BACH1: variants seen among roughly 807,000 people sequenced by gnomAD.
BACH1 encodes transcription regulator protein BACH1.
Under a neutral mutation model 52.9 loss-of-function variants are expected in BACH1, and 35 were observed. The ratio of observed to expected loss-of-function variants is 0.66; its 90% CI spans 0.51 to 0.88. The LOEUF (loss-of-function observed/expected upper bound fraction) is 0.88. BACH1 is among the 40% of genes least tolerant of loss of function. The pLI is 0.00. For missense variants in BACH1, 808 were observed against 872.6 expected (o/e 0.93, Z 0.93); for synonymous variants, 321 against 319.6 (o/e 1.00, Z -0.05).
intron 2 of BACH1, among the ~76,000 whole-genome samples, chr21:29,358,172 C>G (rs1423577984): frequency 1.3e-5 from 2 of 152,208 alleles, no homozygotes; most frequent in South Asian, 4.1e-4. Context: ...TTGATGTTAG[C>G]AATTCAGCGT....
At chr21:29,320,223 G>T (rs773997824) in intron 1 of BACH1, among the ~76,000 whole-genome samples, 3 of 152,174 alleles carry the variant, frequency 2.0e-5, no homozygotes, top group Non-Finnish European at 4.4e-5. Flanking sequence ...GGATGATACC[G>T]TGAGGCATCA....
chr21:29,308,065 C>G (rs1312816046), intron 1 of BACH1, among the ~76,000 whole-genome samples: 1 of 152,102 alleles, frequency 6.6e-6, no homozygotes, highest in East Asian at 1.9e-4. Context: ...ATAGTATTTC[C>G]CTACTCAGTA....
chr21:29,324,068 A>G (rs1418237242), intron 2 of BACH1, among the ~76,000 whole-genome samples: 3 of 152,038 alleles, frequency 2.0e-5, no homozygotes, highest in African/African-American at 4.8e-5. Context: ...CCTGGCCAAC[A>G]TGGTGAAACC....
chr21:29,320,331 G>T (rs2088833597), intron 1 of BACH1, among the ~76,000 whole-genome samples: 1 of 152,058 alleles, frequency 6.6e-6, no homozygotes, highest in South Asian at 2.1e-4. Context: ...CTGTTACTTT[G>T]AACTTCTGTG....
chr21:29,324,153 G>A (rs1395169945), intron 2 of BACH1, among the ~76,000 whole-genome samples: 2 of 150,664 alleles, frequency 1.3e-5, no homozygotes, highest in Non-Finnish European at 2.9e-5. Context: ...TCGGGAGACT[G>A]AGGCAGGAGA....
At position 29,342,521 on chromosome 21, in the gene BACH1, A is replaced by C. The variant is rs780839012; in HGVS notation, c.1899A>C (p.Glu633Asp). 6.2e-7 allele frequency: 1 copy of C among 1,614,258 alleles called. No homozygotes were observed. The highest frequency in any genetic ancestry group is 1.3e-5 in the African/African-American group (1 of 75,064). Residue 633 changes from glutamate to aspartate, a missense_variant, in exon 5 of 5, where the codon GAA (glutamate) becomes GAC (aspartate). Physicochemically the swap from Glu to Asp is conservative, Grantham distance 45. Coordinates refer to ENST00000286800, the MANE Select transcript of BACH1 (RefSeq NM_001186.4). ...GTAAAGAAGCAGCTCTGAGTCAAGA[A>C]CAAATACAGATACTCGCCAAGTACT... The part of the protein sequence containing the change: ...KVCKEAALSQ[E>D]QIQILAKYSA...
chr21:29,353,226 G>C (rs1021744715), intron 2 of BACH1, among the ~76,000 whole-genome samples: 59 of 152,298 alleles, frequency 3.9e-4, no homozygotes, highest in African/African-American at 1.3e-3. Flanking sequence ...GTGAGTTTTA[G>C]TGGTTACACA....
At chr21:29,319,788 A>C (rs1170111773) in intron 1 of BACH1, among the ~76,000 whole-genome samples, 13 of 150,082 alleles carry the variant, frequency 8.7e-5, no homozygotes. Context: ...TTGGGAGGGC[A>C]GTGTGCTCTG....
At chr21:29,338,149 T>C (rs977055524) in intron 4 of BACH1, among the ~76,000 whole-genome samples, 1 of 152,210 alleles carries the variant, frequency 6.6e-6, no homozygotes, top group East Asian at 1.9e-4. Context: ...TAAAGTCAGT[T>C]TCCAAAAACC....
intron 2 of BACH1, among the ~76,000 whole-genome samples, chr21:29,357,659 C>T (rs1000330956): frequency 2.0e-5 from 3 of 152,174 alleles, no homozygotes; most frequent in East Asian, 1.9e-4. Context: ...GCCAGCCTTT[C>T]GCTACTACAT....
chr21:29,320,280 C>T (rs571801637), intron 1 of BACH1, among the ~76,000 whole-genome samples: 2 of 152,100 alleles, frequency 1.3e-5, no homozygotes, highest in South Asian at 2.1e-4. Flanking sequence ...CCTTTCCGGC[C>T]GTAGGGTGCT....
At position 29,313,255 on chromosome 21, in the gene BACH1, C is replaced by T. The variant is rs114025534; in HGVS notation, c.-60-7966C>T. On this transcript the variant is annotated intron_variant, in intron 1 of 4. Transcript: ENST00000286800. ...ATCTGCCACCGCCGATGAAACAAAA[C>T]AGTCCTCACGTTCAAAGGGATGGAC... Among the ~76,000 whole-genome samples, 776 of 152,170 alleles carry T rather than the reference C, an allele frequency of 5.1e-3. 3 individuals carry two copies. The highest frequency in any genetic ancestry group is 0.018 in the African/African-American group (738 of 41,522).
intron 2 of BACH1, chr21:29,351,776 C>T (rs1263561504): frequency 1.9e-6 from 1 of 534,256 alleles, no homozygotes; most frequent in Non-Finnish European, 3.8e-6. Flanking sequence ...AAGTTTAACA[C>T]AGGAATGAGA....
In BACH1 at chr21:29,327,132, G is replaced by A. The variant is rs200791937; in HGVS notation, c.1308G>A (p.Pro436=). 11 of 1,614,114 alleles carry A rather than the reference G, an allele frequency of 6.8e-6. No homozygotes were observed. Among genetic ancestry groups the A allele is most frequent in the East Asian group, 2.2e-5 (1 of 44,894 alleles). Residue 436 remains proline, a synonymous_variant, in exon 3 of 5, where the codon CCG becomes CCA. Coordinates refer to ENST00000286800, the MANE Select transcript of BACH1 (RefSeq NM_001186.4). ...TCTCACAGAAACGGTCTGAGTGTCC[G>A]TGGTTAGGTATCAGGATTAGTGAGA... ...EQISQKRSEC[P]WLGIRISESP... is the part of the protein sequence containing the mutation.
At chr21:29,315,807 C>CT (rs2088779813) in intron 1 of BACH1, among the ~76,000 whole-genome samples, 1 of 152,012 alleles carries the variant, frequency 6.6e-6, no homozygotes, top group East Asian at 1.9e-4. Flanking sequence ...TCATTATTAT[C>CT]TTTTTTACTT....
chr21:29,341,014 AT>A (rs1256388909), intron 4 of BACH1, among the ~76,000 whole-genome samples: 1 of 151,760 alleles, frequency 6.6e-6, no homozygotes, highest in Non-Finnish European at 1.5e-5. Context: ...ATCTGAACAG[AT>A]TGGAGAATAC....
At position 29,321,442 on chromosome 21, in the gene BACH1, A is replaced by G. The variant is rs2088846872; in HGVS notation, c.162A>G (p.Ala54=). 7.4e-6 allele frequency: 12 copies of G among 1,614,228 alleles called. No individual in the cohort carries two copies. The highest frequency in any genetic ancestry group is 1.0e-5 in the Non-Finnish European group (12 of 1,180,054). The change falls in exon 2 of 5, where the codon GCA becomes GCG. Residue 54 remains alanine (A), a synonymous_variant. Transcript: ENST00000286800. ...RFRAHRSVLA[A]CSSYFHSRIV... ...GCGCTCACCGGTCCGTGCTGGCGGC[A>G]TGCAGCAGTTACTTCCACTCAAGAA...
chr21:29,320,561 G>A (rs2088836147), intron 1 of BACH1, among the ~76,000 whole-genome samples: 2 of 152,080 alleles, frequency 1.3e-5, no homozygotes, highest in African/African-American at 4.8e-5. Context: ...TAATGAGGTA[G>A]TTTTACTTGC....
rs536608084 is a variant in BACH1 at position 29,334,288 on chromosome 21, C to T, written c.1776+4595C>T. On this transcript the variant is annotated intron_variant, in intron 4 of 4. Coordinates refer to ENST00000286800, the MANE Select transcript of BACH1 (RefSeq NM_001186.4). Reference sequence around the variant, plus strand: ...AATTTTTTTATATTTTTAGTAGAGACGGGGTTTCACTGTGTTAGCCAGGAT... The same window carrying T: ...AATTTTTTTATATTTTTAGTAGAGATGGGGTTTCACTGTGTTAGCCAGGAT... Among the ~76,000 whole-genome samples, 10 of 151,554 alleles carry T rather than the reference C, an allele frequency of 6.6e-5. No homozygotes were observed. In the South Asian group the frequency reaches 1.0e-3, roughly 16 times the overall value.
Sources: gnomAD v4.1 joint callset for allele counts (sites outside exome capture counted in the v4.1 genomes callset) on GRCh38, gnomAD v4.1.1 for gene constraint, MANE v1.5 for transcripts, NCBI Gene and HGNC (gene_info 2026-07-23, HGNC 2026-07-21) for gene names.